Variants in CAST observed in about 807,000 individuals in gnomAD.
The protein encoded by CAST is calpastatin.
In CAST, 76 loss-of-function variants were observed where a neutral mutation model predicts 119.6. The ratio of observed to expected loss-of-function variants is 0.64; its 90% CI spans 0.53 to 0.77. The LOEUF (loss-of-function observed/expected upper bound fraction) is 0.77, where lower values mean the gene tolerates loss of function less well. Ranked by LOEUF, CAST falls within the 30% of genes least tolerant of loss-of-function variation. The pLI, the probability that CAST is intolerant of heterozygous loss-of-function variation, is 0.00. For synonymous variants in CAST, 319 were observed against 331.6 expected, an observed-to-expected ratio of 0.96 and a Z score of 0.41; for missense variants, 953 against 946.5, an observed-to-expected ratio of 1.01 and a Z score of -0.09.
upstream of CAST, among the ~76,000 whole-genome samples, chr5:96,521,978 T>G (rs1238643846): frequency 2.0e-5 from 3 of 152,116 alleles, no homozygotes; most frequent in Non-Finnish European, 4.4e-5. Flanking sequence ...TAGCCAGGCG[T>G]GGTGGCGGGC....
the CAST span, among the ~76,000 whole-genome samples, chr5:96,071,004 C>T: frequency 1.3e-5 from 2 of 152,160 alleles, no homozygotes; most frequent in South Asian, 4.2e-4. Flanking sequence ...TGAAATGTTA[C>T]AGAGAGATGA....
chr5:96,725,233 G>A (rs1461021853), intron 4 of CAST, among the ~76,000 whole-genome samples: 1 of 152,202 alleles, frequency 6.6e-6, no homozygotes, highest in Non-Finnish European at 1.5e-5. Flanking sequence ...TATCAGCTGT[G>A]ATATTGGACA....
the CAST span, among the ~76,000 whole-genome samples, chr5:96,178,000 A>G: frequency 6.6e-6 from 1 of 152,240 alleles, no homozygotes; most frequent in Admixed American, 6.5e-5. Context: ...TGCTCTAAAA[A>G]TGAATTCATA....
chr5:96,151,459 G>A, the CAST span, among the ~76,000 whole-genome samples: 1 of 152,116 alleles, frequency 6.6e-6, no homozygotes, highest in Non-Finnish European at 1.5e-5. Context: ...AACATAGTGA[G>A]GCCCCATCTC....
At chr5:96,272,560 G>A in the CAST span, among the ~76,000 whole-genome samples, 1 of 152,272 alleles carries the variant, frequency 6.6e-6, no homozygotes, top group South Asian at 2.1e-4. Context: ...TGGATCTCAT[G>A]AAGACAGAGA....
intron 3 of CAST, among the ~76,000 whole-genome samples, chr5:96,708,743 G>A (rs928538919): frequency 6.6e-6 from 1 of 152,050 alleles, no homozygotes; most frequent in Non-Finnish European, 1.5e-5. Flanking sequence ...CACCTGCCTC[G>A]GCCTCCTTCT....
At chr5:96,311,375 A>G in the CAST span, among the ~76,000 whole-genome samples, 1,854 of 152,202 alleles carry the variant, frequency 0.012, 34 homozygotes, top group African/African-American at 0.042. Flanking sequence ...TGTGCACTTG[A>G]GAAAAATGTG....
At chr5:96,195,293 A>G in the CAST span, among the ~76,000 whole-genome samples, 11 of 152,138 alleles carry the variant, frequency 7.2e-5, no homozygotes, top group Non-Finnish European at 1.5e-5. Flanking sequence ...TAAAATCACT[A>G]TTTTCTAACC....
intron 3 of CAST, among the ~76,000 whole-genome samples, chr5:96,702,000 G>A (rs2150318246): frequency 6.6e-6 from 1 of 152,250 alleles, no homozygotes; most frequent in East Asian, 1.9e-4. Context: ...GTACAAAGCT[G>A]TATGGATGAG....
At chr5:96,413,644 A>G in the CAST span, among the ~76,000 whole-genome samples, 1 of 151,646 alleles carries the variant, frequency 6.6e-6, no homozygotes, top group Non-Finnish European at 1.5e-5. Flanking sequence ...TACTAAAAAT[A>G]CAAAAATTAG....
chr5:96,445,955 C>T, the CAST span, among the ~76,000 whole-genome samples: 1 of 152,146 alleles, frequency 6.6e-6, no homozygotes, highest in African/African-American at 2.4e-5. Context: ...TCAAGCAATC[C>T]TCACACTTCA....
chr5:96,660,434 T>C (rs1290393267), upstream of CAST, among the ~76,000 whole-genome samples: 1 of 152,240 alleles, frequency 6.6e-6, no homozygotes, highest in African/African-American at 2.4e-5. Context: ...TTTTAATCTC[T>C]ATATCTCTCC....
At chr5:96,575,515 G>T (rs1210109322) in intron 1 of CAST, among the ~76,000 whole-genome samples, 1 of 152,110 alleles carries the variant, frequency 6.6e-6, no homozygotes, top group Non-Finnish European at 1.5e-5. Flanking sequence ...TTTCTATTAA[G>T]TATGATGTCA....
chr5:96,665,317 T>G (rs538531900), intron 1 of CAST, among the ~76,000 whole-genome samples: 128 of 152,348 alleles, frequency 8.4e-4, no homozygotes, highest in African/African-American at 2.9e-3. Flanking sequence ...ACCTACTATA[T>G]CCCACATATT....
chr5:96,706,306 T>A (rs193083474), intron 3 of CAST, among the ~76,000 whole-genome samples: 2 of 152,362 alleles, frequency 1.3e-5, no homozygotes, highest in African/African-American at 4.8e-5. Flanking sequence ...GAACCCTTTT[T>A]TCTTTCTTTA....
chr5:96,178,082 A>G, the CAST span, among the ~76,000 whole-genome samples: 1 of 152,254 alleles, frequency 6.6e-6, no homozygotes, highest in Non-Finnish European at 1.5e-5. Flanking sequence ...TCAAATATAC[A>G]TATCTGGACA....
the CAST span, among the ~76,000 whole-genome samples, chr5:96,352,592 C>A: frequency 4.8e-4 from 73 of 152,172 alleles, no homozygotes; most frequent in African/African-American, 1.6e-3. Context: ...AACACCATTC[C>A]TTTTAACACA....
chr5:96,163,035 G>A, the CAST span, among the ~76,000 whole-genome samples: 1 of 152,072 alleles, frequency 6.6e-6, no homozygotes, highest in Admixed American at 6.6e-5. Context: ...TTTTCTTTGA[G>A]GGTAGCTTTT....
intron 1 of CAST, among the ~76,000 whole-genome samples, chr5:96,655,048 A>G (rs1748140383): frequency 6.6e-6 from 1 of 152,226 alleles, no homozygotes; most frequent in Non-Finnish European, 1.5e-5. Context: ...TGTACATGCT[A>G]TTTTATAAAT....
Sources: gnomAD v4.1 joint callset for allele counts (sites outside exome capture counted in the v4.1 genomes callset) on GRCh38, gnomAD v4.1.1 for gene constraint, MANE v1.5 for transcripts, NCBI Gene and HGNC (gene_info 2026-07-23, HGNC 2026-07-21) for gene names.